The following CFH variants were observed in gnomAD, a reference collection of about 807,000 sequenced individuals.
The protein encoded by CFH is H factor 1 (complement).
In CFH, 53 loss-of-function variants were observed where a neutral mutation model predicts 147.3. That is an observed-to-expected ratio of 0.36 (90% CI 0.29 to 0.45). The LOEUF (loss-of-function observed/expected upper bound fraction) is 0.45. Ranked by LOEUF, CFH falls within the 20% of genes least tolerant of loss-of-function variation. CFH has a pLI of 1.00. For synonymous variants in CFH, 536 were observed against 489.4 expected (o/e 1.10, Z -1.26); for missense variants, 1,380 against 1,498.0 (o/e 0.92, Z 1.30).
intron 9 of CFH, among the ~76,000 whole-genome samples, chr1:196,696,839 G>T (rs1668289617): frequency 6.6e-6 from 1 of 152,118 alleles, no homozygotes; most frequent in Non-Finnish European, 1.5e-5. Flanking sequence ...AGAGCCTTCA[G>T]AAATAATGCT....
At chr1:196,718,982 G>A (rs1405364376) in intron 11 of CFH, among the ~76,000 whole-genome samples, 1 of 152,076 alleles carries the variant, frequency 6.6e-6, no homozygotes, top group Non-Finnish European at 1.5e-5. Context: ...AGACATCTGA[G>A]TATATTTCAA....
chr1:196,730,479 A>G lies in CFH; in HGVS notation c.2413+1957A>G, dbSNP rs575664640. On this transcript the variant is annotated intron_variant, in intron 15 of 21. Coordinates refer to ENST00000367429, the MANE Select transcript of CFH (RefSeq NM_000186.4). The stretch of plus-strand genomic sequence containing the variant: ...TTTCAGTCTTCTTGAATTTGATAAG[A>G]CTTGTTTTGTGGCCTAACATATAAC... Among the ~76,000 whole-genome samples the G allele has an allele frequency of 1.4e-3, 206 of 151,854 alleles. 2 individuals carry two copies. The highest frequency in any genetic ancestry group is 7.7e-3 in the South Asian group (37 of 4,824).
At chr1:196,667,076 C>T (rs1667122254) in intron 1 of CFH, among the ~76,000 whole-genome samples, 1 of 152,094 alleles carries the variant, frequency 6.6e-6, no homozygotes, top group Admixed American at 6.6e-5. Context: ...ATATTGGAAA[C>T]AGTGTGCTTA....
intron 11 of CFH, among the ~76,000 whole-genome samples, chr1:196,723,545 G>A (rs1056447114): frequency 2.0e-5 from 3 of 152,112 alleles, no homozygotes; most frequent in Non-Finnish European, 4.4e-5. Context: ...AGGTGGCACG[G>A]ACAGGTAAGA....
Position 196,747,021 on chromosome 1 carries a change from C to T in CFH, c.3494-90C>T, listed in dbSNP as rs1347619090. 9 of 1,572,338 alleles carry T rather than the reference C, an allele frequency of 5.7e-6. No homozygotes were observed. The African/African-American group carries it at 1.1e-4, about 19-fold the overall frequency. On this transcript the variant is annotated intron_variant, in intron 21 of 21. Transcript: ENST00000367429. Reference sequence around the variant, plus strand: ...AGTGTTTTGAGAAATAATTCCTGAACCATCATATAACATTCTACTTGAAAA... The same window carrying T: ...AGTGTTTTGAGAAATAATTCCTGAATCATCATATAACATTCTACTTGAAAA...
At chr1:196,740,932 A>G in intron 18 of CFH, 140 bp downstream of exon 18, 4 of 847,618 alleles carry the variant, frequency 4.7e-6, no homozygotes, top group Non-Finnish European at 7.6e-6. Context: ...GGGAAATTAT[A>G]GCTGTAGTAA....
At chr1:196,709,387 G>T (rs1373632683) in intron 9 of CFH, among the ~76,000 whole-genome samples, 2 of 152,114 alleles carry the variant, frequency 1.3e-5, no homozygotes, top group Admixed American at 6.6e-5. Context: ...ACAGCTTGCA[G>T]GTTGTTACAA....
intron 9 of CFH, among the ~76,000 whole-genome samples, chr1:196,692,794 CTT>C (rs1204520886): frequency 1.4e-4 from 11 of 75,974 alleles, no homozygotes; most frequent in African/African-American, 3.1e-4. Flanking sequence ...TTCTTTCTTT[CTT>C]TCTTTCTTTC....
At chr1:196,735,104 T>C (rs1017117634) in intron 15 of CFH, among the ~76,000 whole-genome samples, 1 of 152,186 alleles carries the variant, frequency 6.6e-6, no homozygotes, top group Non-Finnish European at 1.5e-5. Context: ...CGTGTGTGTG[T>C]GTATGTTCTA....
Position 196,684,007 on chromosome 1 carries a change from C to G in CFH, c.791-1057C>G, listed in dbSNP as rs1309650692. Among the ~76,000 whole-genome samples the G allele has an allele frequency of 4.6e-5, 7 of 151,850 alleles. 1 individual carries two copies. The highest frequency in any genetic ancestry group is 4.6e-4 in the Admixed American group (7 of 15,198). Reference sequence around the variant, plus strand: ...AAAATATGACTCCAATAGAAGTGGTCATATAGTTTTTCTACAATACTTAAA... The same window carrying G: ...AAAATATGACTCCAATAGAAGTGGTGATATAGTTTTTCTACAATACTTAAA... On this transcript the variant is annotated intron_variant, in intron 6 of 21. Transcript: ENST00000367429.
intron 1 of CFH, among the ~76,000 whole-genome samples, chr1:196,660,250 G>T (rs1409010508): frequency 6.6e-6 from 1 of 152,168 alleles, no homozygotes; most frequent in African/African-American, 2.4e-5. Flanking sequence ...AAATAAGTTT[G>T]AAATGCTCAA....
intron 9 of CFH, among the ~76,000 whole-genome samples, chr1:196,691,511 T>C (rs903050148): frequency 6.6e-6 from 1 of 151,978 alleles, no homozygotes; most frequent in African/African-American, 2.4e-5. Flanking sequence ...GCATTTCTTT[T>C]ACCACTAACT....
intron 15 of CFH, among the ~76,000 whole-genome samples, chr1:196,733,505 A>G (rs1185925026): frequency 1.3e-5 from 2 of 152,082 alleles, no homozygotes; most frequent in African/African-American, 4.8e-5. Context: ...GGATGACACA[A>G]ACCTTTTTGA....
intron 11 of CFH, among the ~76,000 whole-genome samples, chr1:196,717,132 A>C (rs1404279782): frequency 2.0e-5 from 3 of 152,136 alleles, no homozygotes; most frequent in African/African-American, 7.2e-5. Flanking sequence ...TAGACATAAA[A>C]ATAAGGAAAT....
At chr1:196,658,464 T>C (rs545348498) in intron 1 of CFH, among the ~76,000 whole-genome samples, 3 of 142,238 alleles carry the variant, frequency 2.1e-5, no homozygotes, top group Non-Finnish European at 4.5e-5. Context: ...CAGGCTGGAG[T>C]GCAGTGTCGC....
At chr1:196,705,471 AC>A (rs1480847508) in intron 9 of CFH, among the ~76,000 whole-genome samples, 2 of 152,128 alleles carry the variant, frequency 1.3e-5, no homozygotes, top group Non-Finnish European at 2.9e-5. Flanking sequence ...CAGACACTTG[AC>A]TTCTAGAATG....
At chr1:196,729,908 A>AT (rs1669240199) in intron 15 of CFH, among the ~76,000 whole-genome samples, 1 of 151,612 alleles carries the variant, frequency 6.6e-6, no homozygotes, top group Non-Finnish European at 1.5e-5. Flanking sequence ...TATACTTTGT[A>AT]TTTTTTTGAT....
intron 1 of CFH, 131 bp from the exon 2 acceptor site, chr1:196,672,843 GGAGA>G (rs55759441): frequency 3.8e-4 from 225 of 595,034 alleles, no homozygotes; most frequent in South Asian, 5.3e-4. Flanking sequence ...TATGGGGTTA[GGAGA>G]GAGAGAGAGA....
chr1:196,743,844 G>GAAA (rs540824690), intron 20 of CFH, among the ~76,000 whole-genome samples: 17 of 152,046 alleles, frequency 1.1e-4, no homozygotes, highest in Admixed American at 2.6e-4. Flanking sequence ...GTTGGAACCT[G>GAAA]AAAAACAATA....
Sources: allele counts gnomAD v4.1 joint callset (sites outside exome capture counted in the v4.1 genomes callset), GRCh38; gene constraint gnomAD v4.1.1; transcripts MANE v1.5; gene names NCBI Gene and HGNC (gene_info 2026-07-23, HGNC 2026-07-21).